The following FAM107A variants were observed in gnomAD, a reference collection of about 807,000 sequenced individuals.
The protein encoded by FAM107A is actin-associated protein FAM107A.
FAM107A carries 19 observed loss-of-function variants against 13.7 expected under a neutral mutation model. That is an observed-to-expected ratio of 1.38 (90% confidence interval 0.97 to 2.03). The LOEUF is 2.03. FAM107A is among the 30% of genes most tolerant of loss of function. The pLI, the probability that FAM107A is intolerant of heterozygous loss-of-function variation, is 0.00. For missense variants in FAM107A, 203 were observed against 184.4 expected (o/e 1.10, Z -0.58); for synonymous variants, 82 against 74.5 (o/e 1.10, Z -0.52).
chr3:58,585,425 G>A (rs542400059), intron 1 of FAM107A, among the ~76,000 whole-genome samples: 9 of 152,264 alleles, frequency 5.9e-5, no homozygotes, highest in Admixed American at 2.0e-4. Flanking sequence ...GTTTGGGCCA[G>A]TTCTCGCTTT....
In FAM107A at chr3:58,604,121, G is replaced by C. The variant is rs2065774224; in HGVS notation, c.-69-14852C>G. Among the ~76,000 whole-genome samples the C allele has an allele frequency of 1.3e-5, 2 of 151,878 alleles. No individual in the cohort carries two copies. The highest frequency in any genetic ancestry group is 1.3e-4 in the Admixed American group (2 of 15,220). ...GCAGTTTCCACCTGGGCTTTTGAAG[G>C]AGGGAGCCACAAAAAGCCTTTGTGT... On this transcript the variant is annotated intron_variant, in intron 1 of 3. Transcript: ENST00000465970. The surrounding 1 kb of genome is among the most constrained non-coding windows in gnomAD (Gnocchi z 4.1).
At chr3:58,599,444 T>C (rs2065734209) in intron 1 of FAM107A, among the ~76,000 whole-genome samples, 1 of 152,200 alleles carries the variant, frequency 6.6e-6, no homozygotes. Context: ...CATCCGTGCC[T>C]GAGATTATGG....
chr3:58,623,045 C>T (rs1050208143), intron 1 of FAM107A, among the ~76,000 whole-genome samples: 3 of 152,116 alleles, frequency 2.0e-5, no homozygotes, highest in African/African-American at 7.2e-5. Flanking sequence ...GCGCAATGAG[C>T]TGGAATCCTC....
At chr3:58,627,311 G>A (rs2066028551) in intron 1 of FAM107A, 1 of 409,354 alleles carries the variant, frequency 2.4e-6, no homozygotes. Flanking sequence ...TGAGGCAGCT[G>A]GGAAATGAGG....
intron 1 of FAM107A, among the ~76,000 whole-genome samples, chr3:58,599,102 T>C (rs6445993): frequency 0.43 from 65,660 of 151,764 alleles, 15,241 homozygotes; most frequent in East Asian, 0.62. Context: ...CCACCATGCC[T>C]GGCTAATTTT....
Position 58,569,892 on chromosome 3 carries a change from C to A in FAM107A, c.-5-27G>T. ...TGTAGAGATGGGCAGAGGAGTAGCTCAGAGCTGAGCCTATAATCTCACCCT... is the reference window on the plus strand; with the variant it reads ...TGTAGAGATGGGCAGAGGAGTAGCTAAGAGCTGAGCCTATAATCTCACCCT... On this transcript the variant is annotated intron_variant, in intron 1 of 3. Coordinates refer to ENST00000360997, the MANE Select transcript of FAM107A (RefSeq NM_001076778.3). This position sits in a 1 kb window ranked among gnomAD's most constrained non-coding sequence, Gnocchi z 5.7. 6.2e-7 allele frequency: 1 copy of A among 1,603,056 alleles called. No homozygotes were observed. The highest frequency in any genetic ancestry group is 1.1e-5 in the South Asian group (1 of 89,780).
chr3:58,578,968 G>A (rs1360098341), upstream of FAM107A, among the ~76,000 whole-genome samples: 1 of 152,180 alleles, frequency 6.6e-6, no homozygotes, highest in Non-Finnish European at 1.5e-5. Flanking sequence ...AAGTGCTGGG[G>A]GTACCATGTG....
intron 1 of FAM107A, chr3:58,627,180 G>A (rs2066027185): frequency 1.6e-6 from 1 of 626,260 alleles, no homozygotes; most frequent in African/African-American, 1.8e-5. Flanking sequence ...GAGCGCCTCA[G>A]ACAGGCTTAG....
chr3:58,598,903 C>A (rs759787926), intron 1 of FAM107A, among the ~76,000 whole-genome samples: 1 of 151,862 alleles, frequency 6.6e-6, no homozygotes, highest in African/African-American at 2.4e-5. Flanking sequence ...TAAACCATTA[C>A]GCTTTAGTTG....
rs777747203 is a variant in FAM107A at position 58,569,905 on chromosome 3, A to G, written c.-5-40T>C. Reference sequence around the variant, plus strand: ...AGAGGAGTAGCTCAGAGCTGAGCCTATAATCTCACCCTGCCCCATGGGACA... The same window carrying G: ...AGAGGAGTAGCTCAGAGCTGAGCCTGTAATCTCACCCTGCCCCATGGGACA... On this transcript the variant is annotated intron_variant, in intron 1 of 3. Coordinates refer to ENST00000360997, the MANE Select transcript of FAM107A (RefSeq NM_001076778.3). The surrounding 1 kb of genome is among the most constrained non-coding windows in gnomAD (Gnocchi z 5.7). 3 of 1,587,684 alleles carry G rather than the reference A, an allele frequency of 1.9e-6. No individual in the cohort carries two copies. Among genetic ancestry groups the G allele is most frequent in the African/African-American group, 2.7e-5 (2 of 73,830 alleles).
intron 1 of FAM107A, among the ~76,000 whole-genome samples, chr3:58,573,100 G>A (rs1007416634): frequency 7.2e-5 from 11 of 152,192 alleles, no homozygotes; most frequent in African/African-American, 2.7e-4. Flanking sequence ...TTTCCCTGAG[G>A]CCAGGCTGGT....
chr3:58,600,320 G>A (rs1373160637), intron 1 of FAM107A, among the ~76,000 whole-genome samples: 2 of 152,098 alleles, frequency 1.3e-5, no homozygotes, highest in African/African-American at 4.8e-5. Flanking sequence ...CCTGCCCGAG[G>A]TCATAAAATA....
chr3:58,600,061 A>G lies in FAM107A; in HGVS notation c.-69-10792T>C, dbSNP rs557349242. On this transcript the variant is annotated intron_variant, in intron 1 of 3. Coordinates refer to the FAM107A transcript ENST00000465970. ...CCTGCAATTTAATGGGTGATAGGAC[A>G]ATATCCCATGATTATTTCATTTTGG... 2.0e-5 allele frequency among the ~76,000 whole-genome samples: 3 copies of G among 152,146 alleles called. No individual in the cohort carries two copies. In the East Asian group the frequency reaches 5.8e-4, roughly 29 times the overall value.
At chr3:58,590,668 C>A (rs2065647805), upstream of FAM107A, among the ~76,000 whole-genome samples, 1 of 152,154 alleles carries the variant, frequency 6.6e-6, no homozygotes, top group African/African-American at 2.4e-5. Flanking sequence ...CAAGGAAGTG[C>A]CACACTTTAA....
rs962919286 is a variant in FAM107A, at chr3:58,617,061, C to G, written c.-70+10355G>C. Among the ~76,000 whole-genome samples, 1 of 152,136 alleles carries G rather than the reference C, an allele frequency of 6.6e-6. No individual in the cohort carries two copies. Among genetic ancestry groups the G allele is most frequent in the East Asian group, 1.9e-4 (1 of 5,178 alleles). On this transcript the variant is annotated intron_variant, in intron 1 of 3. Transcript: ENST00000465970. The surrounding 1 kb of genome is among the most constrained non-coding windows in gnomAD (Gnocchi z 4.5). ...TGCTGGGATTACAGGCGTGAGCCACCGCGCCTGGCCTCGGCTACCCAGTTT... is the reference window on the plus strand; with the variant it reads ...TGCTGGGATTACAGGCGTGAGCCACGGCGCCTGGCCTCGGCTACCCAGTTT...
chr3:58,583,439 A>G (rs185934167), intron 1 of FAM107A, among the ~76,000 whole-genome samples: 1,761 of 152,202 alleles, frequency 0.012, 29 homozygotes, highest in African/African-American at 0.039. Context: ...CCTGACCAAC[A>G]TGGTGAAACC....
chr3:58,571,458 C>A (rs1349956860), intron 1 of FAM107A, among the ~76,000 whole-genome samples: 2 of 150,512 alleles, frequency 1.3e-5, no homozygotes, highest in African/African-American at 2.4e-5. Context: ...CTTTTTTTCT[C>A]ATCTTTTTCA....
At chr3:58,623,983 C>A (rs771700597) in intron 1 of FAM107A, among the ~76,000 whole-genome samples, 3 of 152,184 alleles carry the variant, frequency 2.0e-5, no homozygotes, top group Non-Finnish European at 4.4e-5. Context: ...CTATCCTGGG[C>A]GAGGGCACTG....
At chr3:58,627,045 T>C in intron 1 of FAM107A, 1 of 1,525,716 alleles carries the variant, frequency 6.6e-7, no homozygotes, top group Admixed American at 2.0e-5. Context: ...CAGGCTGGGG[T>C]CCTCCCTGCT....
Sources: allele counts gnomAD v4.1 joint callset (sites outside exome capture counted in the v4.1 genomes callset), GRCh38; gene constraint gnomAD v4.1.1; non-coding constraint Gnocchi (gnomAD v3.1); transcripts MANE v1.5; gene names NCBI Gene and HGNC (gene_info 2026-07-23, HGNC 2026-07-21).